NOS1AP: variants seen among roughly 807,000 people sequenced by gnomAD.
The protein encoded by NOS1AP is carboxyl-terminal PDZ ligand of neuronal nitric oxide synthase protein.
A neutral mutation model predicts 56.2 loss-of-function variants in NOS1AP; 21 were observed. That is an observed-to-expected ratio of 0.37 (90% CI 0.26 to 0.54). NOS1AP has a LOEUF of 0.54. NOS1AP is among the 20% of genes least tolerant of loss of function. The pLI, the probability that NOS1AP is intolerant of heterozygous loss-of-function variation, is 0.84. For missense variants in NOS1AP, 522 were observed against 657.8 expected (o/e 0.79, Z 2.26); for synonymous variants, 270 against 274.6 (o/e 0.98, Z 0.17).
chr1:162,195,285 G>A (rs1454609157), intron 2 of NOS1AP, among the ~76,000 whole-genome samples: 1 of 151,950 alleles, frequency 6.6e-6, no homozygotes, highest in Admixed American at 6.6e-5. Flanking sequence ...CATGAAGTTG[G>A]TACCCCATAT....
At chr1:162,355,043 ACT>A in intron 6 of NOS1AP, 142 bp from the exon 7 acceptor site, 1 of 866,862 alleles carries the variant, frequency 1.2e-6, no homozygotes, top group Non-Finnish European at 1.9e-6. Context: ...ACTTTAACGT[ACT>A]TGAGTGAAAA....
intron 1 of NOS1AP, among the ~76,000 whole-genome samples, chr1:162,075,711 C>T (rs764124438): frequency 2.0e-4 from 31 of 151,948 alleles, no homozygotes; most frequent in Middle Eastern, 3.2e-3. Flanking sequence ...AAGGAGGAGA[C>T]GTAGTTCACT....
At chr1:162,207,312 C>T (rs946500805) in intron 2 of NOS1AP, among the ~76,000 whole-genome samples, 5 of 152,196 alleles carry the variant, frequency 3.3e-5, no homozygotes, top group African/African-American at 4.8e-5. Context: ...TCACCGTCTA[C>T]CCACGCGACA....
intron 4 of NOS1AP, among the ~76,000 whole-genome samples, chr1:162,330,489 A>G (rs965550839): frequency 6.6e-6 from 1 of 152,242 alleles, no homozygotes; most frequent in Non-Finnish European, 1.5e-5. Flanking sequence ...CTTGGCGGCC[A>G]TCAAAGGTGT....
intron 2 of NOS1AP, among the ~76,000 whole-genome samples, chr1:162,161,109 G>A (rs1211233845): frequency 1.3e-5 from 2 of 152,098 alleles, no homozygotes; most frequent in Non-Finnish European, 2.9e-5. Flanking sequence ...CATCGCCTTT[G>A]GTTATAAGGT....
intron 1 of NOS1AP, among the ~76,000 whole-genome samples, chr1:162,127,854 C>G (rs534288581): frequency 6.6e-6 from 1 of 152,108 alleles, no homozygotes; most frequent in African/African-American, 2.4e-5. Flanking sequence ...GATTACAATT[C>G]GACATGAGAT....
intron 2 of NOS1AP, among the ~76,000 whole-genome samples, chr1:162,265,527 T>C (rs950446803): frequency 6.8e-6 from 1 of 148,046 alleles, no homozygotes; most frequent in Non-Finnish European, 1.5e-5. Flanking sequence ...TGATTTCCAA[T>C]TTCATCCATG....
chr1:162,194,868 A>C (rs1651756578), intron 2 of NOS1AP, among the ~76,000 whole-genome samples: 1 of 152,186 alleles, frequency 6.6e-6, no homozygotes, highest in Admixed American at 6.5e-5. Context: ...TCAGTCCTGA[A>C]AAAGTGACCT....
At chr1:162,348,805 T>C (rs527386145) in intron 6 of NOS1AP, among the ~76,000 whole-genome samples, 70 of 152,262 alleles carry the variant, frequency 4.6e-4, no homozygotes, top group Middle Eastern at 3.4e-3. Flanking sequence ...TAGGGACATA[T>C]AAAGAAAGAG....
chr1:162,191,006 G>C (rs1651613216), intron 2 of NOS1AP, among the ~76,000 whole-genome samples: 1 of 152,088 alleles, frequency 6.6e-6, no homozygotes, highest in African/African-American at 2.4e-5. Flanking sequence ...AGAAGCAATG[G>C]CTCCCTATCG....
chr1:162,163,628 A>G (rs1571082778), intron 2 of NOS1AP, among the ~76,000 whole-genome samples: 1 of 152,124 alleles, frequency 6.6e-6, no homozygotes, highest in African/African-American at 2.4e-5. Flanking sequence ...CCGTGTGGGT[A>G]TCTGGAGGAA....
intron 2 of NOS1AP, among the ~76,000 whole-genome samples, chr1:162,277,815 T>C (rs1373284033): frequency 6.6e-6 from 1 of 152,212 alleles, no homozygotes; most frequent in Non-Finnish European, 1.5e-5. Flanking sequence ...AGGGACCACT[T>C]CCTTATTCTG....
At chr1:162,256,699 G>A (rs939536249) in intron 2 of NOS1AP, among the ~76,000 whole-genome samples, 1 of 152,186 alleles carries the variant, frequency 6.6e-6, no homozygotes, top group Non-Finnish European at 1.5e-5. Context: ...ACACTCAAAT[G>A]TGTAGCATAT....
At chr1:162,070,421 T>C in intron 1 of NOS1AP, 139 bp downstream of exon 1, 2 of 693,640 alleles carry the variant, frequency 2.9e-6, no homozygotes, top group Non-Finnish European at 5.1e-6. Context: ...GGAGGGTAAC[T>C]CTCCCTTCTG....
intron 2 of NOS1AP, among the ~76,000 whole-genome samples, chr1:162,240,617 A>G (rs370353655): frequency 5.9e-5 from 9 of 152,210 alleles, no homozygotes; most frequent in African/African-American, 2.2e-4. Context: ...AACAAAAACT[A>G]CAAACGTGGA....
intron 5 of NOS1AP, among the ~76,000 whole-genome samples, chr1:162,338,189 T>A (rs750348007): frequency 6.6e-6 from 1 of 152,176 alleles, no homozygotes; most frequent in Non-Finnish European, 1.5e-5. Context: ...TGGACTTCAG[T>A]TCTCTAAAAT....
At chr1:162,174,745 C>G (rs1184119656) in intron 2 of NOS1AP, among the ~76,000 whole-genome samples, 1 of 152,172 alleles carries the variant, frequency 6.6e-6, no homozygotes, top group Non-Finnish European at 1.5e-5. Flanking sequence ...TTCTTATTAA[C>G]TAAAATCCAT....
At chr1:162,175,870 A>G (rs1651035954) in intron 2 of NOS1AP, among the ~76,000 whole-genome samples, 2 of 152,120 alleles carry the variant, frequency 1.3e-5, no homozygotes, top group Admixed American at 6.5e-5. Context: ...GCAGTTAGAA[A>G]CCTAGCTACC....
intron 4 of NOS1AP, among the ~76,000 whole-genome samples, chr1:162,310,871 C>T (rs551319736): frequency 2.1e-4 from 28 of 131,542 alleles, no homozygotes; most frequent in South Asian, 5.3e-4. Flanking sequence ...TCACTGCCAA[C>T]TGTCTCTCTG....
Sources: allele counts gnomAD v4.1 joint callset (sites outside exome capture counted in the v4.1 genomes callset), GRCh38; gene constraint gnomAD v4.1.1; transcripts MANE v1.5; gene names NCBI Gene and HGNC (gene_info 2026-07-23, HGNC 2026-07-21).